PIK3C3: variants seen among roughly 807,000 people sequenced by gnomAD.
The protein encoded by PIK3C3 is phosphatidylinositol 3-kinase catalytic subunit type 3.
PIK3C3 carries 95 observed loss-of-function variants against 126.1 expected under a neutral mutation model. The observed-to-expected ratio is 0.75, with a 90% CI of 0.64 to 0.89. PIK3C3 has a LOEUF of 0.89. Ranked by LOEUF, PIK3C3 falls within the 40% of genes least tolerant of loss-of-function variation. PIK3C3 has a pLI of 0.00. For synonymous variants in PIK3C3, 374 were observed against 360.0 expected, an observed-to-expected ratio of 1.04 and a Z score of -0.44; for missense variants, 829 against 1,063.2, an observed-to-expected ratio of 0.78 and a Z score of 3.06.
intron 4 of PIK3C3, among the ~76,000 whole-genome samples, chr18:41,977,493 T>C (rs569194799): frequency 4.0e-5 from 6 of 151,872 alleles, no homozygotes; most frequent in East Asian, 2.0e-4. Flanking sequence ...TATATAGATA[T>C]ATGTGTATTT....
At chr18:41,987,009 T>A (rs566495150) in intron 4 of PIK3C3, among the ~76,000 whole-genome samples, 2 of 152,220 alleles carry the variant, frequency 1.3e-5, no homozygotes, top group South Asian at 4.1e-4. Flanking sequence ...ATAGGAAAGC[T>A]GTCATGATAT....
Position 41,955,308 on chromosome 18 carries a change from A to G in PIK3C3, c.17A>G (p.Lys6Arg), listed in dbSNP as rs1382288673. The G allele has an allele frequency of 6.2e-6, 10 of 1,613,432 alleles. No homozygotes were observed. The highest frequency in any genetic ancestry group is 8.5e-6 in the Non-Finnish European group (10 of 1,179,686). The change falls in exon 1 of 25, where the codon AAG becomes AGG. Residue 6 changes from lysine (K) to arginine (R), a missense_variant. Lys to Arg is a conservative substitution (Grantham distance 26, BLOSUM62 2). Coordinates refer to ENST00000262039, the MANE Select transcript of PIK3C3 (RefSeq NM_002647.4). MGEAE[K>R]FHYIYSCDLD... ...GACGGTGCGATGGGGGAAGCAGAGA[A>G]GTTTCACTACATCTATAGTTGTGAC...
chr18:42,058,388 GA>G (rs1568004928), intron 22 of PIK3C3, among the ~76,000 whole-genome samples: 1 of 152,198 alleles, frequency 6.6e-6, no homozygotes, highest in African/African-American at 2.4e-5. Context: ...CTGAGATAGA[GA>G]AAAGGTTAAG....
intron 13 of PIK3C3, among the ~76,000 whole-genome samples, chr18:42,021,760 C>T (rs927532313): frequency 6.6e-6 from 1 of 152,012 alleles, no homozygotes; most frequent in Admixed American, 6.6e-5. Context: ...CTCCAAAATC[C>T]AAAACTCTAT....
At chr18:42,019,000 A>G (rs1185271848) in intron 12 of PIK3C3, among the ~76,000 whole-genome samples, 3 of 151,970 alleles carry the variant, frequency 2.0e-5, no homozygotes, top group African/African-American at 7.2e-5. Context: ...GATTTTTCAT[A>G]CCATTTCCAC....
At position 42,081,103 on chromosome 18, in the gene PIK3C3, T is replaced by C. The variant is rs1191824398; in HGVS notation, c.2650-20T>C. 9 of 1,411,226 alleles carry C rather than the reference T, an allele frequency of 6.4e-6. No homozygotes were observed. Among genetic ancestry groups the C allele is most frequent in the Non-Finnish European group, 9.0e-6 (9 of 1,005,230 alleles). 87.4% of individuals were successfully genotyped at this position (1,411,226 alleles called of 1,614,324 possible). A position where few individuals can be genotyped will look rare whatever the true frequency, so the allele number is the denominator to read the frequency against. The stretch of plus-strand genomic sequence containing the variant: ...AATTAAGTAAATTATTTTCTGTTTA[T>C]TTCTTTTTAATTTTTGTAGTACTGG... On this transcript the variant is annotated intron_variant, in intron 24 of 24. Transcript: ENST00000262039.
At chr18:42,079,266 G>C (rs1310119964) in intron 24 of PIK3C3, among the ~76,000 whole-genome samples, 1 of 152,246 alleles carries the variant, frequency 6.6e-6, no homozygotes, top group South Asian at 2.1e-4. Flanking sequence ...TTGTGTCTTA[G>C]GGAGGCTTAA....
At chr18:41,983,978 C>A (rs1981339533) in intron 4 of PIK3C3, among the ~76,000 whole-genome samples, 1 of 146,272 alleles carries the variant, frequency 6.8e-6, no homozygotes. Flanking sequence ...TGACAGTGTA[C>A]TTTTCTTCCA....
At chr18:41,985,026 C>T (rs1459188396) in intron 4 of PIK3C3, 1 of 152,174 alleles carries the variant, frequency 6.6e-6, no homozygotes, top group Non-Finnish European at 1.5e-5. Flanking sequence ...GGGAGCAGCA[C>T]TGAGAATACG....
chr18:42,031,919 A>G (rs949606441), intron 15 of PIK3C3, among the ~76,000 whole-genome samples: 2 of 152,128 alleles, frequency 1.3e-5, no homozygotes, highest in South Asian at 2.1e-4. Flanking sequence ...CTCTTCCTCT[A>G]TGGGGATCAT....
At chr18:42,044,018 A>G (rs1250914146) in intron 20 of PIK3C3, among the ~76,000 whole-genome samples, 1 of 152,196 alleles carries the variant, frequency 6.6e-6, no homozygotes, top group Non-Finnish European at 1.5e-5. Flanking sequence ...TTAGTCTTTC[A>G]TGGATATATC....
Position 41,955,324 on chromosome 18 carries a change from T to C in PIK3C3, c.33T>C (p.Tyr11=). 6.2e-7 allele frequency: 1 copy of C among 1,613,752 alleles called. No homozygotes were observed. The highest frequency in any genetic ancestry group is 8.5e-7 in the Non-Finnish European group (1 of 1,179,826). ...AAGCAGAGAAGTTTCACTACATCTA[T>C]AGTTGTGACCTGGATATCAACGTCC... is the stretch of plus-strand genomic sequence containing the variant. The part of the protein sequence containing the change: MGEAEKFHYI[Y]SCDLDINVQL... Residue 11 remains tyrosine, a synonymous_variant, in exon 1 of 25, where the codon TAT becomes TAC. Transcript: ENST00000262039.
At chr18:41,997,757 G>A (rs1268841790) in intron 9 of PIK3C3, among the ~76,000 whole-genome samples, 2 of 152,092 alleles carry the variant, frequency 1.3e-5, no homozygotes, top group African/African-American at 2.4e-5. Flanking sequence ...AAGATTAGGG[G>A]ACCTGTGCAG....
chr18:41,997,196 A>G (rs1982069102), intron 9 of PIK3C3, among the ~76,000 whole-genome samples: 2 of 152,152 alleles, frequency 1.3e-5, no homozygotes, highest in South Asian at 4.1e-4. Flanking sequence ...GTATGCTTTT[A>G]TAATAACGAA....
chr18:41,986,379 C>A (rs1184947629), intron 4 of PIK3C3, among the ~76,000 whole-genome samples: 1 of 151,960 alleles, frequency 6.6e-6, no homozygotes, highest in African/African-American at 2.4e-5. Context: ...TTTTGAAAAC[C>A]AGTTTGGAGC....
At chr18:42,038,916 AATTTTTAAGT>A in intron 18 of PIK3C3, 66 bp downstream of exon 18, 1 of 1,047,662 alleles carries the variant, frequency 9.5e-7, no homozygotes, top group Non-Finnish European at 1.4e-6. Context: ...TCAAATTGAA[AATTTTTAAGT>A]ATGTTAGAGA....
rs981047923 is a variant in PIK3C3, at chr18:42,034,029, G to A, written c.1839+72G>A. Reference sequence around the variant, plus strand: ...AAGCTAGATCAGAGATACTACCTTGGAAAACTATTACATTGCAGAGATCAC... The same window carrying A: ...AAGCTAGATCAGAGATACTACCTTGAAAAACTATTACATTGCAGAGATCAC... On this transcript the variant is annotated intron_variant, in intron 16 of 24. Coordinates refer to ENST00000262039, the MANE Select transcript of PIK3C3 (RefSeq NM_002647.4). The A allele has an allele frequency of 2.8e-4, 288 of 1,044,890 alleles. 2 individuals carry two copies. Among genetic ancestry groups the A allele is most frequent in the South Asian group, 8.4e-4 (48 of 57,316 alleles). 64.7% of individuals were successfully genotyped at this position (1,044,890 alleles called of 1,614,324 possible). A position where few individuals can be genotyped will look rare whatever the true frequency, so the allele number is the denominator to read the frequency against.
Position 41,962,705 on chromosome 18 carries a change from A to G in PIK3C3, c.401+73A>G, listed in dbSNP as rs1598846682. ...CCCTTTTCTTTTTCGGAATGAGGGA[A>G]GGCTTTAATAGTTTATGCTCAGTCT... On this transcript the variant is annotated intron_variant, in intron 3 of 24. Coordinates refer to ENST00000262039, the MANE Select transcript of PIK3C3 (RefSeq NM_002647.4). 1.1e-5 allele frequency: 16 copies of G among 1,425,236 alleles called. No homozygotes were observed. The East Asian group carries it at 3.7e-4, about 33-fold the overall frequency. 88.3% of individuals were successfully genotyped at this position (1,425,236 alleles called of 1,614,324 possible).
intron 19 of PIK3C3, among the ~76,000 whole-genome samples, chr18:42,042,507 TA>T (rs1274878652): frequency 6.6e-6 from 1 of 152,214 alleles, no homozygotes; most frequent in East Asian, 1.9e-4. Flanking sequence ...AAAATTTCGG[TA>T]ATAACCCATA....
Sources: gnomAD v4.1 joint callset for allele counts (sites outside exome capture counted in the v4.1 genomes callset) on GRCh38, gnomAD v4.1.1 for gene constraint, MANE v1.5 for transcripts, NCBI Gene and HGNC (gene_info 2026-07-23, HGNC 2026-07-21) for gene names.